The following RANBP2 variants were observed in gnomAD, a reference collection of about 807,000 sequenced individuals.
The protein encoded by RANBP2 is E3 SUMO-protein ligase RanBP2.
Under a neutral mutation model 303.6 loss-of-function variants are expected in RANBP2, and 57 were observed. The observed-to-expected ratio is 0.19, with a 90% CI of 0.15 to 0.23. The LOEUF is 0.23. Among genes scored for constraint, RANBP2 ranks in the 10% least tolerant of loss-of-function variants. The pLI is 1.00. For synonymous variants in RANBP2, 1,167 were observed against 1,301.5 expected (o/e 0.90, Z 2.23); for missense variants, 3,138 against 3,780.8 (o/e 0.83, Z 4.46).
chr2:108,910,598 C>T, the RANBP2 span: 1 of 1,453,664 alleles, frequency 6.9e-7, no homozygotes. Context: ...GCGCTCAGCC[C>T]AACCCTGCTC....
At chr2:109,381,508 G>T in the RANBP2 span, among the ~76,000 whole-genome samples, 1 of 152,074 alleles carries the variant, frequency 6.6e-6, no homozygotes, top group Non-Finnish European at 1.5e-5. Flanking sequence ...ACGTCCACCT[G>T]CCCTCCCTTC....
chr2:109,035,088 T>G, the RANBP2 span, among the ~76,000 whole-genome samples: 1 of 152,138 alleles, frequency 6.6e-6, no homozygotes, highest in Non-Finnish European at 1.5e-5. Context: ...GATTGGACTA[T>G]CCAGAAGGAT....
At chr2:109,250,579 A>G in the RANBP2 span, among the ~76,000 whole-genome samples, 148 of 152,006 alleles carry the variant, frequency 9.7e-4, no homozygotes, top group African/African-American at 3.2e-3. Context: ...ATACAGAAAA[A>G]CCTTTAACAA....
At chr2:108,828,572 A>G in the RANBP2 span, among the ~76,000 whole-genome samples, 1 of 152,246 alleles carries the variant, frequency 6.6e-6, no homozygotes, top group Admixed American at 6.5e-5. Flanking sequence ...ATTTTTGACA[A>G]GCGTACGGAG....
At chr2:109,521,759 G>A in the RANBP2 span, among the ~76,000 whole-genome samples, 7 of 152,202 alleles carry the variant, frequency 4.6e-5, no homozygotes, top group Non-Finnish European at 8.8e-5. Flanking sequence ...AGTCCCCTGA[G>A]CAAAGCCTAG....
chr2:109,043,329 A>AT, the RANBP2 span, among the ~76,000 whole-genome samples: 1 of 152,070 alleles, frequency 6.6e-6, no homozygotes, highest in African/African-American at 2.4e-5. Flanking sequence ...AGTAGGGAAG[A>AT]TGATTTTATA....
the RANBP2 span, among the ~76,000 whole-genome samples, chr2:109,761,627 T>C: frequency 1.8e-4 from 27 of 148,168 alleles, no homozygotes; most frequent in East Asian, 5.8e-3. Flanking sequence ...ATCTGTCTTA[T>C]TCCCCCTTCT....
the RANBP2 span, among the ~76,000 whole-genome samples, chr2:109,496,672 C>T: frequency 2.0e-5 from 3 of 152,166 alleles, no homozygotes; most frequent in African/African-American, 7.2e-5. Flanking sequence ...AGGATTTCAG[C>T]GTTCCTTGAT....
the RANBP2 span, among the ~76,000 whole-genome samples, chr2:109,719,477 G>A: frequency 2.7e-5 from 4 of 147,856 alleles, no homozygotes; most frequent in Non-Finnish European, 4.4e-5. Context: ...TGGGATCCCC[G>A]CTCACTGCAA....
the RANBP2 span, among the ~76,000 whole-genome samples, chr2:109,699,867 C>T: frequency 1.3e-5 from 2 of 152,194 alleles, no homozygotes; most frequent in Non-Finnish European, 2.9e-5. Context: ...TGCTGCAGCC[C>T]AGACTTCGCC....
chr2:109,187,781 G>A, the RANBP2 span, among the ~76,000 whole-genome samples: 3 of 152,184 alleles, frequency 2.0e-5, no homozygotes, highest in African/African-American at 7.2e-5. Context: ...GCACACAGGT[G>A]GGCTTGCTTC....
At chr2:109,348,550 T>C in the RANBP2 span, among the ~76,000 whole-genome samples, 2 of 152,168 alleles carry the variant, frequency 1.3e-5, no homozygotes, top group African/African-American at 4.8e-5. Context: ...AAGAGACTGG[T>C]TCTGGCTGTC....
the RANBP2 span, among the ~76,000 whole-genome samples, chr2:108,989,677 AGT>A: frequency 6.6e-6 from 1 of 152,244 alleles, no homozygotes; most frequent in East Asian, 1.9e-4. Flanking sequence ...TCACACCACC[AGT>A]GTATACCCAT....
At chr2:109,162,004 T>C in the RANBP2 span, among the ~76,000 whole-genome samples, 1 of 152,122 alleles carries the variant, frequency 6.6e-6, no homozygotes, top group Non-Finnish European at 1.5e-5. Flanking sequence ...TGTCAGAAAG[T>C]ACTTCCCCTC....
At chr2:108,773,118 CTTA>C in intron 23 of RANBP2, 72 bp downstream of exon 23, 9 of 1,446,920 alleles carry the variant, frequency 6.2e-6, no homozygotes, top group Non-Finnish European at 7.6e-6. Context: ...TTAGAATGTT[CTTA>C]TTTATTTATT....
At chr2:108,912,570 G>A in the RANBP2 span, 27 of 1,064,876 alleles carry the variant, frequency 2.5e-5, no homozygotes, top group East Asian at 6.7e-4. Context: ...GAGGCCAGGT[G>A]GGGAAGCGCA....
At chr2:109,538,047 A>G in the RANBP2 span, among the ~76,000 whole-genome samples, 3 of 152,232 alleles carry the variant, frequency 2.0e-5, no homozygotes, top group South Asian at 2.1e-4. Context: ...TCACTGGGCT[A>G]AAGTCCAGTT....
At chr2:109,508,614 G>A in the RANBP2 span, among the ~76,000 whole-genome samples, 6 of 151,712 alleles carry the variant, frequency 4.0e-5, no homozygotes, top group East Asian at 1.9e-4. Flanking sequence ...AAAAAGTAAC[G>A]TTCTGTAATG....
At chr2:109,121,931 CT>C in the RANBP2 span, among the ~76,000 whole-genome samples, 8 of 152,288 alleles carry the variant, frequency 5.3e-5, no homozygotes, top group Admixed American at 3.3e-4. Context: ...AGGAGGCTAT[CT>C]TTTTTCATAT....
Sources: allele counts gnomAD v4.1 joint callset (sites outside exome capture counted in the v4.1 genomes callset), GRCh38; gene constraint gnomAD v4.1.1; transcripts MANE v1.5; gene names NCBI Gene and HGNC (gene_info 2026-07-23, HGNC 2026-07-21).